KCNQ1: variants seen among roughly 807,000 people sequenced by gnomAD.
KCNQ1 encodes potassium voltage-gated channel subfamily Q member 1.
KCNQ1 carries 49 observed loss-of-function variants against 72.4 expected under a neutral mutation model. The ratio of observed to expected loss-of-function variants is 0.68; its 90% CI spans 0.54 to 0.86. The LOEUF (loss-of-function observed/expected upper bound fraction) is 0.86, where lower values mean the gene tolerates loss of function less well. KCNQ1 is among the 40% of genes least tolerant of loss of function. The pLI is 0.00. For missense variants in KCNQ1, 790 were observed against 945.1 expected (o/e 0.84, Z 2.15); for synonymous variants, 450 against 412.6 (o/e 1.09, Z -1.10).
rs1847918421 is a variant in KCNQ1 at position 2,547,690 on chromosome 11, C to T, written c.477+19672C>T. Among the ~76,000 whole-genome samples, 1 of 152,200 alleles carries T rather than the reference C, an allele frequency of 6.6e-6. No homozygotes were observed. Among genetic ancestry groups the T allele is most frequent in the Admixed American group, 6.5e-5 (1 of 15,282 alleles). On this transcript the variant is annotated intron_variant, in intron 2 of 15. Coordinates refer to ENST00000155840, the MANE Select transcript of KCNQ1 (RefSeq NM_000218.3). The surrounding 1 kb of genome is among the most constrained non-coding windows in gnomAD (Gnocchi z 4.2). ...TATACCACAAACAATAAGCTGACTC[C>T]ATTTCCATCTTTTATAAGTTCAGAC...
In KCNQ1 at chr11:2,583,492, A is replaced by G. The variant is rs1198599409; in HGVS notation, c.979A>G (p.Thr327Ala). Reference protein sequence around the residue: ...DKVPQTWVGKTIASCFSVFAI... With the variant: ...DKVPQTWVGKAIASCFSVFAI... Reference sequence around the variant, plus strand: ...GGTGCCCCAGACGTGGGTCGGGAAGACCATCGCCTCCTGCTTCTCTGTCTT... The same window carrying G: ...GGTGCCCCAGACGTGGGTCGGGAAGGCCATCGCCTCCTGCTTCTCTGTCTT... Residue 327 changes from threonine to alanine, a missense_variant, in exon 7 of 16, where the codon ACC (threonine) becomes GCC (alanine). This residue lies in a region of KCNQ1 where 133 missense variants were observed against 219.5 expected (regional missense o/e 0.61). Coordinates refer to ENST00000155840, the MANE Select transcript of KCNQ1 (RefSeq NM_000218.3). 1 of 1,613,980 alleles carries G rather than the reference A, an allele frequency of 6.2e-7. No individual in the cohort carries two copies. The highest frequency in any genetic ancestry group is 1.1e-5 in the South Asian group (1 of 91,078).
At chr11:2,511,185 T>C (rs1252123154) in intron 1 of KCNQ1, among the ~76,000 whole-genome samples, 1 of 152,188 alleles carries the variant, frequency 6.6e-6, no homozygotes, top group Non-Finnish European at 1.5e-5. Context: ...GCATGGGATG[T>C]GGCTCTTGTG....
chr11:2,514,558 G>A (rs147897163), intron 1 of KCNQ1, among the ~76,000 whole-genome samples: 1 of 152,338 alleles, frequency 6.6e-6, no homozygotes, highest in Non-Finnish European at 1.5e-5. Context: ...GCTCATGGGC[G>A]CGGTGGCTCA....
At chr11:2,568,164 T>G (rs996286237) in intron 2 of KCNQ1, among the ~76,000 whole-genome samples, 2 of 152,058 alleles carry the variant, frequency 1.3e-5, no homozygotes, top group Non-Finnish European at 2.9e-5. Context: ...TCCCAGCTAC[T>G]CAGGAGGCTG....
Position 2,683,876 on chromosome 11 carries a change from C to G in KCNQ1, c.1514+21795C>G. The G allele has an allele frequency of 2.5e-6, 1 of 398,608 alleles. No individual in the cohort carries two copies. Among genetic ancestry groups the G allele is most frequent in the South Asian group, 1.3e-4 (1 of 7,854 alleles). The allele number at this position is 398,608 out of a possible 1,614,324, so 24.7% of individuals were successfully genotyped here. On this transcript the variant is annotated intron_variant, in intron 11 of 15. Coordinates refer to ENST00000155840, the MANE Select transcript of KCNQ1 (RefSeq NM_000218.3). This position sits in a 1 kb window ranked among gnomAD's most constrained non-coding sequence, Gnocchi z 4.7. ...CCACACTCACTGCTACATCTCTCTTCCAAATCATAAATGCAAAAGATGGCC... is the reference window on the plus strand; with the variant it reads ...CCACACTCACTGCTACATCTCTCTTGCAAATCATAAATGCAAAAGATGGCC...
At chr11:2,578,402 C>CCACAT (rs1457655328) in intron 6 of KCNQ1, among the ~76,000 whole-genome samples, 1 of 152,198 alleles carries the variant, frequency 6.6e-6, no homozygotes, top group Non-Finnish European at 1.5e-5. Context: ...GGGCATTGTC[C>CCACAT]CACATCCCCT....
In KCNQ1 at chr11:2,828,298, G is replaced by T. The variant is rs766656963; in HGVS notation, c.1795-19469G>T. The stretch of plus-strand genomic sequence containing the variant: ...GGAGCAGCAGGTGCCAGAGCTGAAA[G>T]CACTGGTTAAACGTGATGGGTAAAC... On this transcript the variant is annotated intron_variant, in intron 15 of 15. Transcript: ENST00000155840. This position sits in a 1 kb window ranked among gnomAD's most constrained non-coding sequence, Gnocchi z 5.3. Among the ~76,000 whole-genome samples, 1 of 152,230 alleles carries T rather than the reference G, an allele frequency of 6.6e-6. No individual in the cohort carries two copies. The highest frequency in any genetic ancestry group is 1.5e-5 in the Non-Finnish European group (1 of 68,046).
chr11:2,679,802 G>A lies in KCNQ1; in HGVS notation c.1514+17721G>A. On this transcript the variant is annotated intron_variant, in intron 11 of 15. Transcript: ENST00000155840. This position sits in a 1 kb window ranked among gnomAD's most constrained non-coding sequence, Gnocchi z 4.8. ...CTGTTAGGCCAGTTGAGGGCTAGAG[G>A]AGCACAAGGGGCCAGACTGCTGCTA... 1 of 398,618 alleles carries A rather than the reference G, an allele frequency of 2.5e-6. No homozygotes were observed. The highest frequency in any genetic ancestry group is 4.4e-6 in the Non-Finnish European group (1 of 226,062). 24.7% of individuals were successfully genotyped at this position (398,618 alleles called of 1,614,324 possible). A position where few individuals can be genotyped will look rare whatever the true frequency, so the allele number is the denominator to read the frequency against.
chr11:2,507,039 G>A lies in KCNQ1; in HGVS notation c.387-20889G>A, dbSNP rs992517676. ...CTTTGCTTATGGTGCTTTTTGCTAT[G>A]AGAAATTTCGCATGTTTATATCATC... is the stretch of plus-strand genomic sequence containing the variant. On this transcript the variant is annotated intron_variant, in intron 1 of 15. Transcript: ENST00000155840. This position sits in a 1 kb window ranked among gnomAD's most constrained non-coding sequence, Gnocchi z 5.4. 3.3e-5 allele frequency among the ~76,000 whole-genome samples: 5 copies of A among 152,148 alleles called. No individual in the cohort carries two copies. Among genetic ancestry groups the A allele is most frequent in the Non-Finnish European group, 7.3e-5 (5 of 68,036 alleles).
intron 10 of KCNQ1, chr11:2,616,559 C>T: frequency 2.5e-6 from 1 of 398,090 alleles, no homozygotes; most frequent in Admixed American, 4.4e-5. Flanking sequence ...TCTTTCACTA[C>T]ATCCCATAAG....
intron 10 of KCNQ1, chr11:2,632,423 G>A (rs1167750207): frequency 5.0e-5 from 20 of 398,204 alleles, no homozygotes; most frequent in Admixed American, 8.8e-5. Flanking sequence ...GCTAAAATGC[G>A]CATCTTGCTT....
rs924327048 is a variant in KCNQ1, at chr11:2,691,921, G to A, written c.1514+29840G>A. The A allele has an allele frequency of 3.0e-5, 12 of 398,518 alleles. No homozygotes were observed. The highest frequency in any genetic ancestry group is 4.4e-5 in the Non-Finnish European group (10 of 226,168). 24.7% of individuals were successfully genotyped at this position (398,518 alleles called of 1,614,324 possible). A position where few individuals can be genotyped will look rare whatever the true frequency, so the allele number is the denominator to read the frequency against. On this transcript the variant is annotated intron_variant, in intron 11 of 15. Coordinates refer to ENST00000155840, the MANE Select transcript of KCNQ1 (RefSeq NM_000218.3). The surrounding 1 kb of genome is among the most constrained non-coding windows in gnomAD (Gnocchi z 6.4). ...TCTGGCTCTATCCTCAGTCTCCTTG[G>A]CAGGTTTTCCCTTCTGGCATGGCCA...
At position 2,647,450 on chromosome 11, in the gene KCNQ1, A is replaced by G. The variant is rs1849683831; in HGVS notation, c.1394-14511A>G. On this transcript the variant is annotated intron_variant, in intron 10 of 15. Transcript: ENST00000155840. This position sits in a 1 kb window ranked among gnomAD's most constrained non-coding sequence, Gnocchi z 4.0. ...ATGTTCATCAGGGAGATTGGCCTGT[A>G]GTTTTCTTTTTTGCTGTTATTGTGT... is the stretch of plus-strand genomic sequence containing the variant. 1 of 398,312 alleles carries G rather than the reference A, an allele frequency of 2.5e-6. No homozygotes were observed. The highest frequency in any genetic ancestry group is 4.4e-5 in the Admixed American group (1 of 22,690). 24.7% of individuals were successfully genotyped at this position (398,312 alleles called of 1,614,324 possible).
At chr11:2,707,259 A>G (rs1156360575) in intron 11 of KCNQ1, among the ~76,000 whole-genome samples, 5 of 152,212 alleles carry the variant, frequency 3.3e-5, no homozygotes, top group Admixed American at 1.3e-4. Context: ...TCTTGGGGAC[A>G]GGCCTGTGCC....
chr11:2,570,781 C>CACGCCCAGGTTTCCAGACCAGGAAGG, intron 3 of KCNQ1, 27 bp downstream of exon 3: 1 of 1,607,496 alleles, frequency 6.2e-7, no homozygotes, highest in Non-Finnish European at 8.5e-7. Context: ...CTGTGGAGGT[C>CACGCCCAGGTTTCCAGACCAGGAAGG]ACGCCCAGGT....
chr11:2,461,635 C>G (rs543649009), intron 1 of KCNQ1: 2 of 1,365,692 alleles, frequency 1.5e-6, no homozygotes, highest in South Asian at 2.3e-5. Flanking sequence ...TTCTGGCTCT[C>G]GGGAATTTGA....
intron 11 of KCNQ1, among the ~76,000 whole-genome samples, chr11:2,733,981 C>T (rs1222327468): frequency 1.3e-5 from 2 of 152,124 alleles, no homozygotes; most frequent in East Asian, 3.9e-4. Context: ...CCTCAACCCA[C>T]GCTTCCCCTG....
chr11:2,669,306 G>C lies in KCNQ1; in HGVS notation c.1514+7225G>C, dbSNP rs1850140279. On this transcript the variant is annotated intron_variant, in intron 11 of 15. Coordinates refer to ENST00000155840, the MANE Select transcript of KCNQ1 (RefSeq NM_000218.3). The surrounding 1 kb of genome is among the most constrained non-coding windows in gnomAD (Gnocchi z 5.6). ...GTTTCTCCTCACCATACATATGCCA[G>C]TTGCCATGGAAAGCCTCCTCTAGGC... 2.5e-6 allele frequency: 1 copy of C among 398,536 alleles called. No individual in the cohort carries two copies. Among genetic ancestry groups the C allele is most frequent in the African/African-American group, 2.1e-5 (1 of 48,636 alleles). 24.7% of individuals were successfully genotyped at this position (398,536 alleles called of 1,614,324 possible).
At chr11:2,467,421 C>T (rs1216936509) in intron 1 of KCNQ1, among the ~76,000 whole-genome samples, 1 of 152,004 alleles carries the variant, frequency 6.6e-6, no homozygotes, top group African/African-American at 2.4e-5. Flanking sequence ...GGGCCCTGGT[C>T]CCCTGGCTTG....
Sources: allele counts gnomAD v4.1 joint callset (sites outside exome capture counted in the v4.1 genomes callset), GRCh38; gene constraint gnomAD v4.1.1; regional missense constraint gnomAD v4.1.1; non-coding constraint Gnocchi (gnomAD v3.1); transcripts MANE v1.5; gene names NCBI Gene and HGNC (gene_info 2026-07-23, HGNC 2026-07-21).